Variants in NEK11 observed in about 807,000 individuals in gnomAD.
The protein encoded by NEK11 is NIMA related kinase 11.
NEK11 carries 72 observed loss-of-function variants against 80.7 expected under a neutral mutation model. That is an observed-to-expected ratio of 0.89 (90% CI 0.74 to 1.08). The LOEUF is 1.08. NEK11 is among the 50% of genes least tolerant of loss of function. The pLI, the probability that NEK11 is intolerant of heterozygous loss-of-function variation, is 0.00. For missense variants in NEK11, 764 were observed against 763.6 expected, an observed-to-expected ratio of 1.00 and a Z score of -0.01; for synonymous variants, 251 against 260.7, an observed-to-expected ratio of 0.96 and a Z score of 0.36.
intron 16 of NEK11, among the ~76,000 whole-genome samples, chr3:131,262,999 G>C (rs796975016): frequency 6.6e-6 from 1 of 152,014 alleles, no homozygotes; most frequent in Non-Finnish European, 1.5e-5. Flanking sequence ...GAACTCATCC[G>C]TTTTTATGGC....
chr3:131,178,501 C>T (rs1009886683), intron 14 of NEK11, among the ~76,000 whole-genome samples: 4 of 152,012 alleles, frequency 2.6e-5, no homozygotes, highest in Admixed American at 6.6e-5. Context: ...CTTTTGAATT[C>T]TTTGTTAAAA....
Position 131,165,468 on chromosome 3 carries a change from G to A in NEK11, c.1125G>A (p.Met375Ile). 6 of 1,612,982 alleles carry A rather than the reference G, an allele frequency of 3.7e-6. No individual in the cohort carries two copies. Among genetic ancestry groups the A allele is most frequent in the Non-Finnish European group, 5.1e-6 (6 of 1,178,992 alleles). ...AATATGAAGAAAATAGCAAACGAAT[G>A]CAAGAATTGAGATCTCGGAACTTTC... The part of the protein sequence containing the change: ...EEKYEENSKR[M>I]QELRSRNFQQ... The change falls in exon 12 of 18, where the codon ATG (methionine) becomes ATA (isoleucine). Residue 375 changes from methionine to isoleucine, a missense_variant. Met to Ile is a conservative substitution (Grantham distance 10). Coordinates refer to ENST00000383366, the MANE Select transcript of NEK11 (RefSeq NM_024800.5).
chr3:131,110,723 A>G (rs1276839837), intron 5 of NEK11, among the ~76,000 whole-genome samples: 1 of 152,154 alleles, frequency 6.6e-6, no homozygotes, highest in African/African-American at 2.4e-5. Context: ...AAAGGGGGTA[A>G]TTTATAAAGC....
intron 14 of NEK11, among the ~76,000 whole-genome samples, chr3:131,205,763 G>C (rs1002489558): frequency 6.6e-6 from 1 of 152,100 alleles, no homozygotes; most frequent in African/African-American, 2.4e-5. Flanking sequence ...ACTTGATACT[G>C]CCTTTCTGAT....
intron 16 of NEK11, among the ~76,000 whole-genome samples, chr3:131,250,227 C>A (rs1451078904): frequency 6.6e-6 from 1 of 151,210 alleles, no homozygotes; most frequent in Non-Finnish European, 1.5e-5. Context: ...TGATTCAGCA[C>A]CTAACAAATA....
intron 15 of NEK11, among the ~76,000 whole-genome samples, chr3:131,241,033 T>C (rs1473524128): frequency 6.6e-6 from 1 of 152,166 alleles, no homozygotes; most frequent in African/African-American, 2.4e-5. Context: ...ACACATAAAC[T>C]TTATCAACCA....
chr3:131,262,147 A>G (rs34166285), intron 16 of NEK11, among the ~76,000 whole-genome samples: 2 of 152,188 alleles, frequency 1.3e-5, no homozygotes, highest in East Asian at 1.9e-4. Flanking sequence ...TATACTACGA[A>G]CAACAGTATA....
intron 17 of NEK11, among the ~76,000 whole-genome samples, chr3:131,348,078 ATATT>A (rs1261892612): frequency 6.6e-6 from 1 of 152,160 alleles, no homozygotes; most frequent in Non-Finnish European, 1.5e-5. Flanking sequence ...AGCACAACAT[ATATT>A]TACTCTTTTC....
At chr3:131,126,130 T>G (rs1192794093) in intron 5 of NEK11, among the ~76,000 whole-genome samples, 1 of 152,212 alleles carries the variant, frequency 6.6e-6, no homozygotes, top group Non-Finnish European at 1.5e-5. Context: ...TGACTCCAAT[T>G]GTGTCCTTCT....
chr3:131,311,908 CAA>C (rs1199465543), intron 17 of NEK11, among the ~76,000 whole-genome samples: 2 of 152,172 alleles, frequency 1.3e-5, no homozygotes, highest in Non-Finnish European at 2.9e-5. Context: ...TGGAAGCCCA[CAA>C]AGTCTAGAGA....
intron 3 of NEK11, among the ~76,000 whole-genome samples, chr3:131,054,790 AAATGAATG>A (rs55655902): frequency 0.14 from 19,292 of 136,370 alleles, 1,624 homozygotes; most frequent in Middle Eastern, 0.18. Context: ...ATAAATAAAT[AAATGAATG>A]AATGTACCCG....
At chr3:131,248,526 C>T (rs550957961) in intron 16 of NEK11, among the ~76,000 whole-genome samples, 122 of 152,174 alleles carry the variant, frequency 8.0e-4, no homozygotes, top group African/African-American at 2.6e-3. Context: ...GCCTGCCAGC[C>T]TTTCTCCAAG....
chr3:131,318,269 C>T (rs1383915740), intron 17 of NEK11, among the ~76,000 whole-genome samples: 1 of 152,086 alleles, frequency 6.6e-6, no homozygotes, highest in Non-Finnish European at 1.5e-5. Flanking sequence ...CAAACAAATA[C>T]ATAAACACAA....
intron 3 of NEK11, among the ~76,000 whole-genome samples, chr3:131,039,011 A>G (rs1308173728): frequency 6.6e-6 from 1 of 152,240 alleles, no homozygotes; most frequent in East Asian, 1.9e-4. Flanking sequence ...GGATATGCTG[A>G]TCCCTTTACA....
At chr3:131,092,619 T>C (rs2076891630) in intron 4 of NEK11, among the ~76,000 whole-genome samples, 1 of 152,268 alleles carries the variant, frequency 6.6e-6, no homozygotes, top group Middle Eastern at 3.4e-3. Flanking sequence ...TCTAAAACAA[T>C]GTTAGCAAGA....
At chr3:131,330,404 G>A (rs1313577762) in intron 17 of NEK11, 1 of 152,214 alleles carries the variant, frequency 6.6e-6, no homozygotes, top group Non-Finnish European at 1.5e-5. Context: ...GTGCATATTT[G>A]AGAACCAACA....
intron 14 of NEK11, among the ~76,000 whole-genome samples, chr3:131,173,853 C>G (rs1463099269): frequency 2.6e-5 from 4 of 152,028 alleles, no homozygotes; most frequent in Non-Finnish European, 5.9e-5. Flanking sequence ...TGTTGATTTA[C>G]CAGCCAGACT....
chr3:131,166,179 C>T (rs1025041763), intron 12 of NEK11, among the ~76,000 whole-genome samples: 3 of 152,242 alleles, frequency 2.0e-5, no homozygotes, highest in Non-Finnish European at 4.4e-5. Context: ...ATACCAACCT[C>T]ATAGCACTTC....
chr3:131,169,991 T>G (rs2092570397), intron 13 of NEK11, among the ~76,000 whole-genome samples: 1 of 152,190 alleles, frequency 6.6e-6, no homozygotes, highest in Non-Finnish European at 1.5e-5. Context: ...TAAAAACACT[T>G]TATGATGATA....
Sources: gnomAD v4.1 joint callset for allele counts (sites outside exome capture counted in the v4.1 genomes callset) on GRCh38, gnomAD v4.1.1 for gene constraint, MANE v1.5 for transcripts, NCBI Gene and HGNC (gene_info 2026-07-23, HGNC 2026-07-21) for gene names.